KLHL1: variants seen among roughly 807,000 people sequenced by gnomAD.
KLHL1 encodes the protein kelch like family member 1.
A neutral mutation model predicts 77.7 loss-of-function variants in KLHL1; 47 were observed. The observed-to-expected ratio is 0.60, with a 90% CI of 0.48 to 0.77. KLHL1 has a LOEUF of 0.77. Among genes scored for constraint, KLHL1 ranks in the 30% least tolerant of loss-of-function variants. The pLI, the probability that KLHL1 is intolerant of heterozygous loss-of-function variation, is 0.00. For synonymous variants in KLHL1, 360 were observed against 325.2 expected (o/e 1.11, Z -1.15); for missense variants, 925 against 910.8 (o/e 1.02, Z -0.20).
At chr13:69,776,389 C>T (rs1875829902) in intron 7 of KLHL1, among the ~76,000 whole-genome samples, 2 of 152,156 alleles carry the variant, frequency 1.3e-5, no homozygotes, top group African/African-American at 2.4e-5. Flanking sequence ...CTAGAACAAG[C>T]TTTGCCACTA....
rs140161512 is a variant in KLHL1, at chr13:69,734,935, T to G, written c.1802+5459A>C. ...AAAGCTTCTTCATGCCATGATGTTA[T>G]GCTAAAATAAGATTTTATATCATAA... On this transcript the variant is annotated intron_variant, in intron 8 of 10. Coordinates refer to ENST00000377844, the MANE Select transcript of KLHL1 (RefSeq NM_020866.3). Among the ~76,000 whole-genome samples the G allele has an allele frequency of 6.7e-3, 1,022 of 152,242 alleles. 2 individuals are homozygous for G. The highest frequency in any genetic ancestry group is 0.011 in the Non-Finnish European group (717 of 67,968).
intron 1 of KLHL1, among the ~76,000 whole-genome samples, chr13:70,044,264 A>G (rs937529928): frequency 2.0e-5 from 3 of 152,100 alleles, no homozygotes; most frequent in African/African-American, 7.2e-5. Flanking sequence ...TCTCTTAAAT[A>G]TTACTTTCTC....
At chr13:69,915,693 C>T (rs1328445814) in intron 4 of KLHL1, among the ~76,000 whole-genome samples, 1 of 152,014 alleles carries the variant, frequency 6.6e-6, no homozygotes. Context: ...GCAAGGACTT[C>T]ATGTCTAAAA....
chr13:69,957,783 C>G (rs561772472), intron 3 of KLHL1, among the ~76,000 whole-genome samples: 26 of 151,758 alleles, frequency 1.7e-4, no homozygotes, highest in African/African-American at 6.0e-4. Context: ...AGCAGATTTT[C>G]TAGTAGAAAA....
chr13:69,787,862 T>C (rs542453700), intron 7 of KLHL1, among the ~76,000 whole-genome samples: 1 of 152,128 alleles, frequency 6.6e-6, no homozygotes, highest in Non-Finnish European at 1.5e-5. Context: ...GAACAGACAT[T>C]TCTGAAAAGA....
At chr13:69,753,324 A>T (rs1472705274) in intron 7 of KLHL1, among the ~76,000 whole-genome samples, 1 of 152,186 alleles carries the variant, frequency 6.6e-6, no homozygotes, top group Non-Finnish European at 1.5e-5. Context: ...TAAAAATTTT[A>T]TGTGAGACTC....
chr13:69,797,150 T>G (rs955724084), intron 6 of KLHL1, among the ~76,000 whole-genome samples, 188 bp from the exon 7 acceptor site: 4 of 152,206 alleles, frequency 2.6e-5, no homozygotes, highest in African/African-American at 4.8e-5. Context: ...CAGACATGAA[T>G]GATCAAAATA....
rs1233740164 is a variant in KLHL1, at chr13:69,789,041, A to G, written c.1639+7697T>C. On this transcript the variant is annotated intron_variant, in intron 7 of 10. Transcript: ENST00000377844. ...ACTCTATCTATCTATCTATCTATCTATCTATCTATCTATCTATCTATCTAC... is the reference window on the plus strand; with the variant it reads ...ACTCTATCTATCTATCTATCTATCTGTCTATCTATCTATCTATCTATCTAC... Among the ~76,000 whole-genome samples the G allele has an allele frequency of 2.0e-3, 129 of 64,688 alleles. 1 individual carries two copies. The highest frequency in any genetic ancestry group is 8.0e-3 in the African/African-American group (125 of 15,632). The allele number at this position is 64,688 out of a possible 152,430, so 42.4% of individuals were successfully genotyped here. A position where few individuals can be genotyped will look rare whatever the true frequency, so the allele number is the denominator to read the frequency against.
chr13:70,000,544 G>A (rs1386606818), intron 1 of KLHL1, among the ~76,000 whole-genome samples: 2 of 151,746 alleles, frequency 1.3e-5, no homozygotes, highest in African/African-American at 4.8e-5. Flanking sequence ...ACACGTATTT[G>A]GAATATTAAT....
At chr13:70,007,196 A>G (rs1885426724) in intron 1 of KLHL1, among the ~76,000 whole-genome samples, 1 of 152,054 alleles carries the variant, frequency 6.6e-6, no homozygotes, top group African/African-American at 2.4e-5. Flanking sequence ...TTTATTTGGA[A>G]TGTGTCGTAT....
chr13:69,753,659 C>T (rs1239369277), intron 7 of KLHL1, among the ~76,000 whole-genome samples: 5 of 152,048 alleles, frequency 3.3e-5, no homozygotes, highest in Admixed American at 3.3e-4. Flanking sequence ...TCTATTCAAT[C>T]ATTGGCAAAA....
intron 1 of KLHL1, among the ~76,000 whole-genome samples, chr13:70,075,572 T>TATATATATATATATATAG (rs1887243766): frequency 2.8e-5 from 3 of 107,640 alleles, no homozygotes; most frequent in Non-Finnish European, 5.7e-5. Flanking sequence ...TGTATGTGTA[T>TATATATATATATATATAG]ATATATATAT....
At chr13:69,903,751 C>A (rs2138231403) in intron 4 of KLHL1, among the ~76,000 whole-genome samples, 1 of 138,340 alleles carries the variant, frequency 7.2e-6, no homozygotes, top group Non-Finnish European at 1.5e-5. Flanking sequence ...AAGCGATTCT[C>A]CTGCCTCAGC....
intron 4 of KLHL1, among the ~76,000 whole-genome samples, chr13:69,919,377 T>C (rs1882556789): frequency 6.6e-6 from 1 of 152,136 alleles, no homozygotes; most frequent in Admixed American, 6.6e-5. Context: ...CAGACATAAA[T>C]TTTTCTTTAC....
chr13:69,734,790 A>C (rs1396004766), intron 8 of KLHL1, among the ~76,000 whole-genome samples: 1 of 152,174 alleles, frequency 6.6e-6, no homozygotes, highest in Non-Finnish European at 1.5e-5. Context: ...TATCAGTAAA[A>C]TAGAATATTA....
At position 69,827,883 on chromosome 13, in the gene KLHL1, TTTC is replaced by T. The variant is rs1187445028; in HGVS notation, c.1414+11090_1414+11092del. On this transcript the variant is annotated intron_variant, in intron 6 of 10. Coordinates refer to ENST00000377844, the MANE Select transcript of KLHL1 (RefSeq NM_020866.3). ...TACTAAATGGTAGAAACTAAAAAAG[TTTC>T]TTAATCTCTTCAAATTCAAAATGAG... Among the ~76,000 whole-genome samples the T allele has an allele frequency of 1.9e-4, 28 of 150,862 alleles. 2 individuals are homozygous for T. The highest frequency in any genetic ancestry group is 1.8e-3 in the Admixed American group (27 of 15,158).
intron 1 of KLHL1, among the ~76,000 whole-genome samples, chr13:69,987,187 C>T (rs779163371): frequency 6.6e-6 from 1 of 151,910 alleles, no homozygotes; most frequent in Non-Finnish European, 1.5e-5. Context: ...TCTGACTACA[C>T]TAAAAATACT....
intron 3 of KLHL1, among the ~76,000 whole-genome samples, chr13:69,945,864 T>C (rs954681673): frequency 6.6e-6 from 1 of 152,208 alleles, no homozygotes; most frequent in Non-Finnish European, 1.5e-5. Context: ...ATACAAAGTC[T>C]GTACATGAAT....
At chr13:69,965,026 C>T (rs574931932) in intron 2 of KLHL1, among the ~76,000 whole-genome samples, 1 of 151,990 alleles carries the variant, frequency 6.6e-6, no homozygotes, top group South Asian at 2.1e-4. Flanking sequence ...TATTTGTTCT[C>T]TGTTTTGGTT....
Sources: gnomAD v4.1 joint callset for allele counts (sites outside exome capture counted in the v4.1 genomes callset) on GRCh38, gnomAD v4.1.1 for gene constraint, MANE v1.5 for transcripts, NCBI Gene and HGNC (gene_info 2026-07-23, HGNC 2026-07-21) for gene names.